The following DPP10 variants were observed in gnomAD, a reference collection of about 807,000 sequenced individuals.
DPP10 encodes dipeptidyl peptidase like 10, also known as inactive dipeptidyl peptidase 10.
Under a neutral mutation model 120.9 loss-of-function variants are expected in DPP10, and 33 were observed. That is an observed-to-expected ratio of 0.27 (90% CI 0.21 to 0.37). The LOEUF is 0.37. DPP10 is among the 10% of genes least tolerant of loss of function. DPP10 has a pLI of 1.00. For synonymous variants in DPP10, 337 were observed against 326.1 expected (o/e 1.03, Z -0.36); for missense variants, 816 against 942.8 (o/e 0.87, Z 1.76).
chr2:115,409,416 C>T (rs1345234817), intron 3 of DPP10, among the ~76,000 whole-genome samples: 1 of 152,096 alleles, frequency 6.6e-6, no homozygotes, highest in African/African-American at 2.4e-5. Flanking sequence ...GAAAATTGCC[C>T]AACATCACTA....
chr2:115,468,991 C>T, intron 3 of DPP10: 1 of 231,822 alleles, frequency 4.3e-6, no homozygotes, highest in Non-Finnish European at 8.5e-6. Context: ...GACGGAGTAT[C>T]ACCCTGTTGC....
At chr2:114,591,428 C>T (rs1335497828) in intron 1 of DPP10, among the ~76,000 whole-genome samples, 2 of 152,136 alleles carry the variant, frequency 1.3e-5, no homozygotes, top group African/African-American at 4.8e-5. Context: ...CATCTTTGTG[C>T]TTTCTCTTTA....
At chr2:115,265,593 G>C (rs762664009) in intron 1 of DPP10, among the ~76,000 whole-genome samples, 1 of 151,890 alleles carries the variant, frequency 6.6e-6, no homozygotes, top group African/African-American at 2.4e-5. Flanking sequence ...TTATTTCATT[G>C]GGGGTGAGTG....
intron 3 of DPP10, among the ~76,000 whole-genome samples, chr2:115,459,249 C>G (rs988168472): frequency 2.0e-5 from 3 of 151,922 alleles, no homozygotes; most frequent in African/African-American, 7.3e-5. Flanking sequence ...CACCACCTCC[C>G]TTGTTCAAGT....
intron 5 of DPP10, among the ~76,000 whole-genome samples, chr2:115,607,833 C>T (rs1575321472): frequency 6.6e-6 from 1 of 152,198 alleles, no homozygotes; most frequent in South Asian, 2.1e-4. Flanking sequence ...AAACGACATA[C>T]ATTATATCCC....
intron 1 of DPP10, among the ~76,000 whole-genome samples, chr2:114,721,971 T>C (rs1332410830): frequency 6.6e-6 from 1 of 152,164 alleles, no homozygotes; most frequent in Non-Finnish European, 1.5e-5. Context: ...TACATTATAG[T>C]GTAGTTGAGA....
intron 1 of DPP10, among the ~76,000 whole-genome samples, chr2:114,898,336 T>G (rs4849357): frequency 3.7e-5 from 5 of 136,290 alleles, no homozygotes; most frequent in South Asian, 2.5e-4. Context: ...TATCACACTC[T>G]GGGGACTGTT....
At chr2:115,410,839 A>G (rs2068898707) in intron 3 of DPP10, among the ~76,000 whole-genome samples, 1 of 152,184 alleles carries the variant, frequency 6.6e-6, no homozygotes, top group Non-Finnish European at 1.5e-5. Flanking sequence ...AAATCACATA[A>G]TTCTTATAGT....
rs141831926 is a variant in DPP10 at position 115,705,629 on chromosome 2, C to T, written c.576+15708C>T. Among the ~76,000 whole-genome samples, 6 of 152,048 alleles carry T rather than the reference C, an allele frequency of 3.9e-5. No homozygotes were observed. The East Asian group carries it at 1.2e-3, about 29-fold the overall frequency. On this transcript the variant is annotated intron_variant, in intron 7 of 25. Transcript: ENST00000410059. ...GAAACCACTAGGGAGTGAAGCCAAACAATTTACACTATTAATATCAAGTGT... is the reference window on the plus strand; with the variant it reads ...GAAACCACTAGGGAGTGAAGCCAAATAATTTACACTATTAATATCAAGTGT...
chr2:115,655,452 T>C (rs977132105), intron 5 of DPP10, among the ~76,000 whole-genome samples: 5 of 151,640 alleles, frequency 3.3e-5, no homozygotes, highest in African/African-American at 1.2e-4. Context: ...GGTGTAAAAA[T>C]GAAATCATTT....
chr2:114,818,323 C>T, intron 1 of DPP10, among the ~76,000 whole-genome samples: 1 of 152,136 alleles, frequency 6.6e-6, no homozygotes, highest in Non-Finnish European at 1.5e-5. Context: ...ACTATGCTCT[C>T]TAACAGAGGG....
intron 3 of DPP10, among the ~76,000 whole-genome samples, chr2:115,344,959 G>A (rs1332839207): frequency 6.6e-6 from 1 of 152,054 alleles, no homozygotes; most frequent in Admixed American, 6.6e-5. Context: ...TATTTATGCT[G>A]GTGAATTAAA....
chr2:115,153,573 T>G (rs959317613), intron 1 of DPP10, among the ~76,000 whole-genome samples: 5 of 152,216 alleles, frequency 3.3e-5, no homozygotes, highest in African/African-American at 1.2e-4. Context: ...AGAAGTGGTG[T>G]AAATGTTGTA....
chr2:115,333,099 G>A (rs2062860793), intron 2 of DPP10, among the ~76,000 whole-genome samples: 1 of 151,656 alleles, frequency 6.6e-6, no homozygotes, highest in Admixed American at 6.6e-5. Flanking sequence ...TTATGAATCT[G>A]GGTGCTCGTG....
Position 115,603,122 on chromosome 2 carries a change from CTGTGTGTGTG to C in DPP10, c.441+77188_441+77197del, listed in dbSNP as rs61161169. ...GTTATCATTTAAAAAATAAATAAAA[CTGTGTGTGTG>C]TGTGTGTGTGTGTGTGTGTGTGTGT... On this transcript the variant is annotated intron_variant, in intron 5 of 25. Transcript: ENST00000410059. Among the ~76,000 whole-genome samples, 984 of 143,968 alleles carry C rather than the reference CTGTGTGTGTG, an allele frequency of 6.8e-3. 6 individuals are homozygous for C. The highest frequency in any genetic ancestry group is 9.0e-3 in the South Asian group (40 of 4,446). The allele number at this position is 143,968 out of a possible 152,430, so 94.4% of individuals were successfully genotyped here. A position where few individuals can be genotyped will look rare whatever the true frequency, so the allele number is the denominator to read the frequency against.
At chr2:115,708,343 CTAA>C (rs1291274358) in intron 7 of DPP10, among the ~76,000 whole-genome samples, 2 of 151,982 alleles carry the variant, frequency 1.3e-5, no homozygotes, top group East Asian at 3.9e-4. Context: ...AAAAGACTTG[CTAA>C]TAATATTGAA....
rs537119004 is a variant in DPP10 at position 114,971,021 on chromosome 2, C to T, written c.61-338218C>T. ...CTCAATTAGGTAATCCAGGGAGATACATTTTGTAACATGTGTTTTATAAAC... is the reference window on the plus strand; with the variant it reads ...CTCAATTAGGTAATCCAGGGAGATATATTTTGTAACATGTGTTTTATAAAC... On this transcript the variant is annotated intron_variant, in intron 1 of 25. Coordinates refer to ENST00000410059, the MANE Select transcript of DPP10 (RefSeq NM_020868.6). 2.0e-5 allele frequency among the ~76,000 whole-genome samples: 3 copies of T among 152,266 alleles called. No individual in the cohort carries two copies. In the South Asian group the frequency reaches 6.2e-4, roughly 32 times the overall value.
At chr2:115,062,128 CTGTGTGTGTGTGTGTGTGTG>C (rs61413782) in intron 1 of DPP10, among the ~76,000 whole-genome samples, 1 of 143,878 alleles carries the variant, frequency 7.0e-6, no homozygotes, top group Non-Finnish European at 1.5e-5. Context: ...GATTACAGTT[CTGTGTGTGTGTGTGTGTGTG>C]TGTGTGTGTG....
At chr2:115,550,923 A>G (rs1041382608) in intron 5 of DPP10, among the ~76,000 whole-genome samples, 2 of 152,184 alleles carry the variant, frequency 1.3e-5, no homozygotes, top group African/African-American at 2.4e-5. Flanking sequence ...TACCCTCACA[A>G]TGTTAATGCA....
Sources: allele counts gnomAD v4.1 joint callset (sites outside exome capture counted in the v4.1 genomes callset), GRCh38; gene constraint gnomAD v4.1.1; transcripts MANE v1.5; gene names NCBI Gene and HGNC (gene_info 2026-07-23, HGNC 2026-07-21).